The following EPHB1 variants were observed in gnomAD, a reference collection of about 807,000 sequenced individuals.
EPHB1 encodes EPH receptor B1.
EPHB1 carries 30 observed loss-of-function variants against 94.4 expected under a neutral mutation model. The ratio of observed to expected loss-of-function variants is 0.32; its 90% CI spans 0.24 to 0.43. The LOEUF (loss-of-function observed/expected upper bound fraction) is 0.43. Ranked by LOEUF, EPHB1 falls within the 20% of genes least tolerant of loss-of-function variation. The probability of loss-of-function intolerance (pLI) is 1.00; values close to 1 mark genes in which losing one functional copy is unlikely to be tolerated. For synonymous variants in EPHB1, 522 were observed against 489.1 expected (o/e 1.07, Z -0.89); for missense variants, 1,055 against 1,308.3 (o/e 0.81, Z 2.99).
At chr3:134,997,356 T>G (rs1935028633) in intron 3 of EPHB1, among the ~76,000 whole-genome samples, 1 of 152,234 alleles carries the variant, frequency 6.6e-6, no homozygotes, top group South Asian at 2.1e-4. Context: ...CTGGTGATTT[T>G]TCCTGGTGAG....
Position 135,132,866 on chromosome 3 carries a change from C to T in EPHB1, c.1114C>T (p.Arg372Cys), listed in dbSNP as rs775424447. ...KCRADRRSCS[R>C]CDDNVEFVPR... is the part of the protein sequence containing the mutation. The stretch of plus-strand genomic sequence containing the variant: ...CCGGGCAGACCGCCGGAGCTGCTCC[C>T]GCTGTGACGACAATGTGGAGTTTGT... The change falls in exon 5 of 16, where the codon CGC (arginine) becomes TGC (cysteine). Residue 372 changes from arginine to cysteine, a missense_variant. Coordinates refer to ENST00000398015, the MANE Select transcript of EPHB1 (RefSeq NM_004441.5). 1.2e-6 allele frequency: 2 copies of T among 1,614,054 alleles called. No individual in the cohort carries two copies. Among genetic ancestry groups the T allele is most frequent in the Admixed American group, 1.7e-5 (1 of 60,030 alleles).
chr3:135,241,654 T>C (rs1407678252), intron 13 of EPHB1, among the ~76,000 whole-genome samples: 1 of 152,184 alleles, frequency 6.6e-6, no homozygotes, highest in Non-Finnish European at 1.5e-5. Flanking sequence ...TTTCCTTCCC[T>C]GTGAACGACA....
At position 134,824,930 on chromosome 3, in the gene EPHB1, C is replaced by G. The variant is rs2036448133; in HGVS notation, c.58+29241C>G. ...AGGCTTTGGATGACTGCAGCTCCTG[C>G]CAACATCTGACTGCAACCTCCTGAG... On this transcript the variant is annotated intron_variant, in intron 1 of 15. Coordinates refer to ENST00000398015, the MANE Select transcript of EPHB1 (RefSeq NM_004441.5). 3.3e-5 allele frequency among the ~76,000 whole-genome samples: 5 copies of G among 152,158 alleles called. No homozygotes were observed. In the South Asian group the frequency reaches 1.0e-3, roughly 32 times the overall value.
rs114634209 is a variant in EPHB1, at chr3:134,982,070, A to G, written c.805+30018A>G. ...TTAAGTTGCTCGTTCAATATCATACAGCTACAAGGTGGCAGAATTGAGATT... is the reference window on the plus strand; with the variant it reads ...TTAAGTTGCTCGTTCAATATCATACGGCTACAAGGTGGCAGAATTGAGATT... On this transcript the variant is annotated intron_variant, in intron 3 of 15. Transcript: ENST00000398015. Among the ~76,000 whole-genome samples, 837 of 152,382 alleles carry G rather than the reference A, an allele frequency of 5.5e-3. 7 individuals carry two copies. The highest frequency in any genetic ancestry group is 0.019 in the African/African-American group (793 of 41,594).
At chr3:134,989,641 A>G (rs1208661097) in intron 3 of EPHB1, among the ~76,000 whole-genome samples, 3 of 152,218 alleles carry the variant, frequency 2.0e-5, no homozygotes, top group Non-Finnish European at 2.9e-5. Flanking sequence ...TGGCAAGTCA[A>G]AACTAATTTT....
At chr3:134,965,750 C>T (rs536739763) in intron 3 of EPHB1, among the ~76,000 whole-genome samples, 102 of 152,194 alleles carry the variant, frequency 6.7e-4, no homozygotes, top group Non-Finnish European at 1.2e-3. Context: ...GCAGCCCTCC[C>T]GCCCCCACCT....
At chr3:134,847,081 C>T (rs988821890) in intron 1 of EPHB1, among the ~76,000 whole-genome samples, 7 of 151,952 alleles carry the variant, frequency 4.6e-5, no homozygotes, top group African/African-American at 1.7e-4. Flanking sequence ...AGAGGGTATG[C>T]GCCATTTCAC....
intron 12 of EPHB1, among the ~76,000 whole-genome samples, chr3:135,218,594 A>T (rs1486571122): frequency 1.3e-5 from 2 of 152,188 alleles, no homozygotes; most frequent in Non-Finnish European, 2.9e-5. Context: ...CTCTTCCTCA[A>T]TATGCCTGTC....
chr3:135,233,087 A>G (rs1351089947), intron 12 of EPHB1, among the ~76,000 whole-genome samples: 5 of 152,210 alleles, frequency 3.3e-5, no homozygotes. Flanking sequence ...TCATGTCCTC[A>G]CATTTCAAAA....
chr3:134,873,598 G>T (rs1515367), intron 1 of EPHB1, among the ~76,000 whole-genome samples: 44,050 of 152,102 alleles, frequency 0.29, 6,570 homozygotes, highest in South Asian at 0.4. Flanking sequence ...GTCATGCACC[G>T]AGTTGATGGT....
chr3:134,981,340 T>A (rs1934393027), intron 3 of EPHB1, among the ~76,000 whole-genome samples: 1 of 152,186 alleles, frequency 6.6e-6, no homozygotes, highest in South Asian at 2.1e-4. Flanking sequence ...CTCTTCCTCA[T>A]CTTGCGTGTT....
At chr3:134,961,638 G>A (rs542971323) in intron 3 of EPHB1, among the ~76,000 whole-genome samples, 59 of 152,256 alleles carry the variant, frequency 3.9e-4, no homozygotes, top group South Asian at 8.3e-4. Flanking sequence ...CTTGCATAGG[G>A]GCACACTACA....
intron 1 of EPHB1, among the ~76,000 whole-genome samples, chr3:134,913,345 T>G (rs2038495196): frequency 6.6e-6 from 1 of 152,112 alleles, no homozygotes; most frequent in African/African-American, 2.4e-5. Flanking sequence ...GCGCTGAACT[T>G]TCATCTAACA....
rs113165496 is a variant in EPHB1 at position 134,931,981 on chromosome 3, GTA to G, written c.123+6109_123+6110del. 8.9e-3 allele frequency among the ~76,000 whole-genome samples: 1,359 copies of G among 151,982 alleles called. 24 individuals carry two copies. Among genetic ancestry groups the G allele is most frequent in the African/African-American group, 0.031 (1,282 of 41,392 alleles). ...TATATATGAATGTATATATGTATGT[GTA>G]TATATATGTGTGTGTCTGCACACAT... On this transcript the variant is annotated intron_variant, in intron 2 of 15. Transcript: ENST00000398015.
At chr3:135,165,753 G>T (rs1455739619) in intron 7 of EPHB1, among the ~76,000 whole-genome samples, 3 of 152,132 alleles carry the variant, frequency 2.0e-5, no homozygotes, top group Non-Finnish European at 4.4e-5. Flanking sequence ...TTCTGTCACG[G>T]CTGTTTTGTT....
intron 3 of EPHB1, among the ~76,000 whole-genome samples, chr3:134,957,586 A>G (rs910274088): frequency 2.6e-5 from 4 of 152,188 alleles, no homozygotes; most frequent in Non-Finnish European, 5.9e-5. Flanking sequence ...TATCAACATG[A>G]TGGCACAGCT....
At chr3:134,801,889 T>C (rs2035941080) in intron 1 of EPHB1, among the ~76,000 whole-genome samples, 1 of 152,146 alleles carries the variant, frequency 6.6e-6, no homozygotes, top group South Asian at 2.1e-4. Flanking sequence ...ATCATTCCCC[T>C]GGGGGTTAGA....
At chr3:135,248,842 G>A (rs1408483115) in intron 14 of EPHB1, among the ~76,000 whole-genome samples, 1 of 152,036 alleles carries the variant, frequency 6.6e-6, no homozygotes, top group African/African-American at 2.4e-5. Flanking sequence ...CCGGATTTCT[G>A]GTTTGGATAC....
intron 3 of EPHB1, among the ~76,000 whole-genome samples, chr3:135,030,733 G>T (rs1434379408): frequency 2.0e-5 from 3 of 152,224 alleles, no homozygotes; most frequent in African/African-American, 4.8e-5. Flanking sequence ...AGGCCTCCTT[G>T]AGCTGTGGTG....
Sources: gnomAD v4.1 joint callset for allele counts (sites outside exome capture counted in the v4.1 genomes callset) on GRCh38, gnomAD v4.1.1 for gene constraint, MANE v1.5 for transcripts, NCBI Gene and HGNC (gene_info 2026-07-23, HGNC 2026-07-21) for gene names.